ELMO1: variants seen among roughly 807,000 people sequenced by gnomAD.
ELMO1 encodes the protein engulfment and cell motility 1.
ELMO1 carries 26 observed loss-of-function variants against 98.9 expected under a neutral mutation model. That is an observed-to-expected ratio of 0.26 (90% CI 0.19 to 0.36). The LOEUF is 0.36. Among genes scored for constraint, ELMO1 ranks in the 10% least tolerant of loss-of-function variants. ELMO1 has a pLI of 1.00. For missense variants in ELMO1, 627 were observed against 935.2 expected (o/e 0.67, Z 4.30); for synonymous variants, 346 against 346.0 (o/e 1.00, Z 0.00).
At chr7:37,005,107 CAA>C (rs35665315) in intron 16 of ELMO1, among the ~76,000 whole-genome samples, 169 of 38,250 alleles carry the variant, frequency 4.4e-3, no homozygotes, top group African/African-American at 0.012. Flanking sequence ...GGCTCTGTCT[CAA>C]AAAAAAAAAA....
At chr7:37,363,292 T>A (rs1320447580) in intron 1 of ELMO1, among the ~76,000 whole-genome samples, 1 of 152,096 alleles carries the variant, frequency 6.6e-6, no homozygotes, top group Non-Finnish European at 1.5e-5. Context: ...CCTGGGCTCT[T>A]GCAAGAGCCC....
chr7:37,394,244 G>C (rs150652677), intron 1 of ELMO1, among the ~76,000 whole-genome samples: 1,619 of 152,292 alleles, frequency 0.011, 11 homozygotes, highest in Non-Finnish European at 0.018. Flanking sequence ...TGACCAGGTG[G>C]AGGGGGAAGC....
At chr7:37,247,531 T>C (rs1795077562) in intron 6 of ELMO1, among the ~76,000 whole-genome samples, 1 of 152,244 alleles carries the variant, frequency 6.6e-6, no homozygotes, top group African/African-American at 2.4e-5. Context: ...TTACCCAATT[T>C]GTATAATCAA....
At chr7:37,345,937 C>T (rs549402619) in intron 1 of ELMO1, among the ~76,000 whole-genome samples, 8 of 149,884 alleles carry the variant, frequency 5.3e-5, no homozygotes, top group African/African-American at 9.8e-5. Flanking sequence ...TGCAGTGAGC[C>T]GAGATCATGC....
chr7:37,177,541 A>G (rs1790561315), intron 13 of ELMO1, among the ~76,000 whole-genome samples: 1 of 152,102 alleles, frequency 6.6e-6, no homozygotes, highest in South Asian at 2.1e-4. Flanking sequence ...CCTTCCTTCT[A>G]AAGACTGACT....
intron 15 of ELMO1, among the ~76,000 whole-genome samples, chr7:37,057,279 G>T: frequency 6.8e-6 from 1 of 146,890 alleles, no homozygotes; most frequent in South Asian, 2.1e-4. Flanking sequence ...CATGTGTTTT[G>T]AAAAAAAAAA....
chr7:37,010,574 G>C (rs908856327), intron 16 of ELMO1, among the ~76,000 whole-genome samples: 3 of 152,192 alleles, frequency 2.0e-5, no homozygotes, highest in Non-Finnish European at 4.4e-5. Flanking sequence ...GGACAAGAAG[G>C]ACATAAGCCA....
At chr7:37,033,914 A>G (rs1035250014) in intron 15 of ELMO1, among the ~76,000 whole-genome samples, 2 of 152,108 alleles carry the variant, frequency 1.3e-5, no homozygotes, top group Non-Finnish European at 2.9e-5. Flanking sequence ...TTAGCTAGTA[A>G]CTCTCTCAAT....
chr7:37,193,711 A>G (rs1163621296), intron 13 of ELMO1, among the ~76,000 whole-genome samples: 2 of 152,188 alleles, frequency 1.3e-5, no homozygotes, highest in African/African-American at 2.4e-5. Context: ...AAGAGTATCA[A>G]TTGTGTTTCC....
intron 6 of ELMO1, among the ~76,000 whole-genome samples, chr7:37,247,565 T>C (rs1027511983): frequency 6.6e-6 from 1 of 152,230 alleles, no homozygotes; most frequent in Non-Finnish European, 1.5e-5. Flanking sequence ...ATGAGAGTTA[T>C]GATTTTACTT....
intron 16 of ELMO1, among the ~76,000 whole-genome samples, chr7:36,951,461 A>G (rs990244187): frequency 1.3e-5 from 2 of 152,064 alleles, no homozygotes; most frequent in African/African-American, 4.8e-5. Flanking sequence ...CACTTCACAT[A>G]CCTACCTCCT....
At chr7:37,062,782 A>G (rs1393245682) in intron 15 of ELMO1, among the ~76,000 whole-genome samples, 1 of 152,208 alleles carries the variant, frequency 6.6e-6, no homozygotes, top group Non-Finnish European at 1.5e-5. Flanking sequence ...ACTGCCCCTA[A>G]GCAAGGGAAA....
At chr7:36,917,709 A>C (rs1172151220) in intron 16 of ELMO1, among the ~76,000 whole-genome samples, 1 of 152,216 alleles carries the variant, frequency 6.6e-6, no homozygotes, top group Non-Finnish European at 1.5e-5. Flanking sequence ...AGAGGCATAC[A>C]TCACATCTGG....
At chr7:37,022,335 A>C (rs1257570128) in intron 15 of ELMO1, among the ~76,000 whole-genome samples, 1 of 152,226 alleles carries the variant, frequency 6.6e-6, no homozygotes, top group Non-Finnish European at 1.5e-5. Flanking sequence ...ACATTATCTA[A>C]TAAAGAACTG....
intron 4 of ELMO1, among the ~76,000 whole-genome samples, chr7:37,312,240 C>T (rs1798924711): frequency 6.6e-6 from 1 of 152,168 alleles, no homozygotes; most frequent in Admixed American, 6.5e-5. Flanking sequence ...AGGCATGTGC[C>T]ACCACACCCA....
At chr7:37,147,194 G>A (rs1432160212) in intron 13 of ELMO1, among the ~76,000 whole-genome samples, 1 of 152,152 alleles carries the variant, frequency 6.6e-6, no homozygotes, top group Non-Finnish European at 1.5e-5. Flanking sequence ...ATTAAAATTT[G>A]ATTCTTTAAG....
intron 14 of ELMO1, among the ~76,000 whole-genome samples, chr7:37,126,655 C>T (rs1229106301): frequency 2.6e-5 from 4 of 152,158 alleles, no homozygotes; most frequent in African/African-American, 4.8e-5. Flanking sequence ...AACAAGGAAA[C>T]TCTCAAGTAA....
chr7:37,165,150 T>C (rs1789564572), intron 13 of ELMO1, among the ~76,000 whole-genome samples: 1 of 151,820 alleles, frequency 6.6e-6, no homozygotes, highest in Admixed American at 6.6e-5. Flanking sequence ...CTGTTATTGG[T>C]ATACAAGAAT....
chr7:37,098,497 T>A (rs1036294290), intron 14 of ELMO1, among the ~76,000 whole-genome samples: 1 of 152,090 alleles, frequency 6.6e-6, no homozygotes, highest in African/African-American at 2.4e-5. Context: ...AATCAAACGA[T>A]GAGAAAGACC....
Sources: allele counts gnomAD v4.1 joint callset (sites outside exome capture counted in the v4.1 genomes callset), GRCh38; gene constraint gnomAD v4.1.1; transcripts MANE v1.5; gene names NCBI Gene and HGNC (gene_info 2026-07-23, HGNC 2026-07-21).